The following TBC1D16 variants were observed in gnomAD, a reference collection of about 807,000 sequenced individuals.
TBC1D16 encodes CTD-2529O21.1.
A neutral mutation model predicts 74.7 loss-of-function variants in TBC1D16; 58 were observed. The observed-to-expected ratio is 0.78, with a 90% confidence interval of 0.63 to 0.97. The LOEUF (loss-of-function observed/expected upper bound fraction) is 0.97. Ranked by LOEUF, TBC1D16 falls within the 50% of genes least tolerant of loss-of-function variation. The pLI, the probability that TBC1D16 is intolerant of heterozygous loss-of-function variation, is 0.00. For missense variants in TBC1D16, 1,014 were observed against 1,079.5 expected (o/e 0.94, Z 0.85); for synonymous variants, 493 against 474.7 (o/e 1.04, Z -0.50).
intron 3 of TBC1D16, among the ~76,000 whole-genome samples, chr17:80,006,226 T>TTCTCTCTCTC (rs113353447): frequency 2.8e-4 from 41 of 148,832 alleles, no homozygotes; most frequent in African/African-American, 7.9e-4. Context: ...CTCTCTTTCT[T>TTCTCTCTCTC]TCTCTCTCTC....
intron 3 of TBC1D16, among the ~76,000 whole-genome samples, chr17:79,973,335 G>T (rs1361702433): frequency 1.3e-5 from 2 of 152,178 alleles, no homozygotes; most frequent in Non-Finnish European, 2.9e-5. Context: ...CACTTTGGGA[G>T]GCTGAGACGG....
intron 10 of TBC1D16, among the ~76,000 whole-genome samples, chr17:79,942,429 G>C (rs2032104955): frequency 6.6e-6 from 1 of 151,902 alleles, no homozygotes; most frequent in African/African-American, 2.4e-5. Context: ...GCATGCCCAG[G>C]CTGCTGTGAC....
chr17:80,022,404 T>C (rs996059122), intron 1 of TBC1D16, among the ~76,000 whole-genome samples: 8 of 149,960 alleles, frequency 5.3e-5, no homozygotes, highest in African/African-American at 2.0e-4. Flanking sequence ...TGGTGCTATC[T>C]TGGCTCACTG....
intron 3 of TBC1D16, among the ~76,000 whole-genome samples, chr17:79,976,467 G>A (rs2034335281): frequency 6.6e-6 from 1 of 152,220 alleles, no homozygotes; most frequent in Admixed American, 6.5e-5. Flanking sequence ...GTGTGCACGT[G>A]TGTGTGTTTA....
rs1266113374 is a variant in TBC1D16 at position 79,980,780 on chromosome 17, CA to C, written c.780-27963del. On this transcript the variant is annotated intron_variant, in intron 3 of 11. Coordinates refer to ENST00000310924, the MANE Select transcript of TBC1D16 (RefSeq NM_019020.4). The surrounding 1 kb of genome is among the most constrained non-coding windows in gnomAD (Gnocchi z 7.0). The stretch of plus-strand genomic sequence containing the variant: ...ACGTGCAGGACTGACTGGTGCTTCC[CA>C]AAAATCTTCTCGGACTCAGTGGCAC... Among the ~76,000 whole-genome samples the C allele has an allele frequency of 6.6e-6, 1 of 152,188 alleles. No homozygotes were observed. Among genetic ancestry groups the C allele is most frequent in the Non-Finnish European group, 1.5e-5 (1 of 68,030 alleles).
At chr17:79,996,580 T>C (rs1290199733) in intron 3 of TBC1D16, among the ~76,000 whole-genome samples, 1 of 152,156 alleles carries the variant, frequency 6.6e-6, no homozygotes, top group Non-Finnish European at 1.5e-5. Context: ...TAGCAATTGC[T>C]TTAAAAACTA....
Position 79,944,486 on chromosome 17 carries a change from C to G in TBC1D16, c.1908+422G>C, listed in dbSNP as rs1302118971. Reference sequence around the variant, plus strand: ...AGGGGCCGACAGGGAAGTGGGATCTCAGGCCCTTTCTCTGCACAGCAGGGT... The same window carrying G: ...AGGGGCCGACAGGGAAGTGGGATCTGAGGCCCTTTCTCTGCACAGCAGGGT... On this transcript the variant is annotated intron_variant, in intron 10 of 11. Coordinates refer to ENST00000310924, the MANE Select transcript of TBC1D16 (RefSeq NM_019020.4). The surrounding 1 kb of genome is among the most constrained non-coding windows in gnomAD (Gnocchi z 7.7). 2.0e-5 allele frequency among the ~76,000 whole-genome samples: 3 copies of G among 152,162 alleles called. No individual in the cohort carries two copies. Among genetic ancestry groups the G allele is most frequent in the Admixed American group, 2.0e-4 (3 of 15,286 alleles).
chr17:80,026,085 T>C (rs1400381230), intron 1 of TBC1D16: 2 of 149,882 alleles, frequency 1.3e-5, no homozygotes, highest in Non-Finnish European at 2.9e-5. Context: ...AATAAATAAA[T>C]AAACTGTGAT....
chr17:79,943,423 C>G (rs2032205008), intron 10 of TBC1D16, among the ~76,000 whole-genome samples: 1 of 152,162 alleles, frequency 6.6e-6, no homozygotes, highest in Non-Finnish European at 1.5e-5. Flanking sequence ...GGGCGTAGGG[C>G]CGTCCAGCCC....
chr17:79,959,394 T>G (rs754377006), intron 3 of TBC1D16, among the ~76,000 whole-genome samples: 23 of 152,266 alleles, frequency 1.5e-4, no homozygotes, highest in Non-Finnish European at 2.9e-4. Flanking sequence ...AATTGATAAG[T>G]TGACCCTAAA....
intron 1 of TBC1D16, among the ~76,000 whole-genome samples, chr17:80,020,445 C>T (rs1244246555): frequency 2.0e-5 from 3 of 149,086 alleles, no homozygotes; most frequent in Non-Finnish European, 4.4e-5. Flanking sequence ...ATTAGCCAAG[C>T]GTAGGGGCGG....
rs1009545133 is a variant in TBC1D16 at position 79,944,434 on chromosome 17, T to G, written c.1908+474A>C. On this transcript the variant is annotated intron_variant, in intron 10 of 11. Coordinates refer to ENST00000310924, the MANE Select transcript of TBC1D16 (RefSeq NM_019020.4). The surrounding 1 kb of genome is among the most constrained non-coding windows in gnomAD (Gnocchi z 7.7). ...GGTGACGGTGGACGGAGAGTGGAAGTCGGTATCACTGATTGGGGCCCTCTG... is the reference window on the plus strand; with the variant it reads ...GGTGACGGTGGACGGAGAGTGGAAGGCGGTATCACTGATTGGGGCCCTCTG... Among the ~76,000 whole-genome samples, 1 of 152,048 alleles carries G rather than the reference T, an allele frequency of 6.6e-6. No homozygotes were observed. The highest frequency in any genetic ancestry group is 1.5e-5 in the Non-Finnish European group (1 of 67,990).
At position 80,000,414 on chromosome 17, in the gene TBC1D16, C is replaced by T. The variant is rs1390782040; in HGVS notation, c.779+9746G>A. The stretch of plus-strand genomic sequence containing the variant: ...TCCATGTGGCAACAGAGGCAGGGGT[C>T]GGAATGATGTGGCCACAAGCCAAGG... On this transcript the variant is annotated intron_variant, in intron 3 of 11. Transcript: ENST00000310924. This position sits in a 1 kb window ranked among gnomAD's most constrained non-coding sequence, Gnocchi z 4.1. 6.6e-6 allele frequency among the ~76,000 whole-genome samples: 1 copy of T among 152,140 alleles called. No homozygotes were observed. The highest frequency in any genetic ancestry group is 1.5e-5 in the Non-Finnish European group (1 of 68,038).
At position 79,979,851 on chromosome 17, in the gene TBC1D16, A is replaced by T. The variant is rs2034503742; in HGVS notation, c.780-27033T>A. Among the ~76,000 whole-genome samples the T allele has an allele frequency of 6.6e-6, 1 of 152,086 alleles. No homozygotes were observed. Among genetic ancestry groups the T allele is most frequent in the South Asian group, 2.1e-4 (1 of 4,824 alleles). On this transcript the variant is annotated intron_variant, in intron 3 of 11. Transcript: ENST00000310924. This position sits in a 1 kb window ranked among gnomAD's most constrained non-coding sequence, Gnocchi z 4.8. Reference sequence around the variant, plus strand: ...AAGGAGGGGAGGGGTCTTCACAGACAGAGGCCTTGCTATGGGTGGGCTCTG... The same window carrying T: ...AAGGAGGGGAGGGGTCTTCACAGACTGAGGCCTTGCTATGGGTGGGCTCTG...
intron 8 of TBC1D16, among the ~76,000 whole-genome samples, chr17:79,948,294 CA>C (rs2032733802): frequency 7.4e-6 from 1 of 135,350 alleles, no homozygotes; most frequent in Non-Finnish European, 1.5e-5. Flanking sequence ...GTCTGGATGA[CA>C]GAGCGAGACT....
chr17:79,949,419 T>C (rs1270907420), intron 7 of TBC1D16, among the ~76,000 whole-genome samples: 1 of 152,226 alleles, frequency 6.6e-6, no homozygotes, highest in East Asian at 1.9e-4. Context: ...CTCCAGGCCC[T>C]GCTCCCAGCC....
Position 80,010,301 on chromosome 17 carries a change from A to C in TBC1D16, c.638T>G (p.Leu213Trp). ...GCTCACGCCCTCGGCTGACAGTTCC[A>C]AAGAGCCATCCTCCTCCCCGGCCTC... ...RPEAGEEDGS[L>W]ELSAEGVSRD... is the part of the protein sequence containing the mutation. Residue 213 changes from leucine to tryptophan, a missense_variant, in exon 3 of 12, where the codon TTG becomes TGG. Leu to Trp is a moderately conservative substitution (Grantham distance 61). Transcript: ENST00000310924. This position sits in a 1 kb window ranked among gnomAD's most constrained non-coding sequence, Gnocchi z 8.8. The C allele has an allele frequency of 6.2e-7, 1 of 1,612,762 alleles. No individual in the cohort carries two copies. Among genetic ancestry groups the C allele is most frequent in the East Asian group, 2.2e-5 (1 of 44,824 alleles).
rs374798460 is a variant in TBC1D16, at chr17:79,941,476, C to T, written c.2056-369G>A. 2.4e-3 allele frequency among the ~76,000 whole-genome samples: 359 copies of T among 152,264 alleles called. 2 individuals are homozygous for T. Among genetic ancestry groups the T allele is most frequent in the African/African-American group, 7.9e-3 (330 of 41,546 alleles). ...TGGCAGCACCCCTCTCTTCTTCCCC[C>T]GCACCTTGCTCCACCCCCCACCCCC... is the stretch of plus-strand genomic sequence containing the variant. On this transcript the variant is annotated intron_variant, in intron 11 of 11. Transcript: ENST00000310924. The surrounding 1 kb of genome is among the most constrained non-coding windows in gnomAD (Gnocchi z 4.3).
chr17:79,958,217 T>C (rs1206699295), intron 3 of TBC1D16, among the ~76,000 whole-genome samples: 1 of 94,056 alleles, frequency 1.1e-5, no homozygotes, highest in Non-Finnish European at 2.1e-5. Context: ...AACTGACCAA[T>C]TTTTTTTTTT....
Sources: allele counts gnomAD v4.1 joint callset (sites outside exome capture counted in the v4.1 genomes callset), GRCh38; gene constraint gnomAD v4.1.1; non-coding constraint Gnocchi (gnomAD v3.1); transcripts MANE v1.5; gene names NCBI Gene and HGNC (gene_info 2026-07-23, HGNC 2026-07-21).